The following PARM1 variants were observed in gnomAD, a reference collection of about 807,000 sequenced individuals.
PARM1 encodes WSC4, cell wall integrity and stress response component 4 homolog.
In PARM1, 14 loss-of-function variants were observed where a neutral mutation model predicts 24.6. That is an observed-to-expected ratio of 0.57 (90% CI 0.38 to 0.89). The LOEUF is 0.89. PARM1 is among the 40% of genes least tolerant of loss of function. The probability of loss-of-function intolerance (pLI) is 0.00; values close to 1 mark genes in which losing one functional copy is unlikely to be tolerated. For missense variants in PARM1, 362 were observed against 380.4 expected (o/e 0.95, Z 0.40); for synonymous variants, 179 against 156.6 (o/e 1.14, Z -1.07).
At chr4:74,949,043 A>C (rs1243662475) in intron 1 of PARM1, among the ~76,000 whole-genome samples, 1 of 151,916 alleles carries the variant, frequency 6.6e-6, no homozygotes, top group Non-Finnish European at 1.5e-5. Context: ...AAAAACAAAA[A>C]CAAACAAAAG....
chr4:75,011,144 C>A (rs1025019629), intron 1 of PARM1, among the ~76,000 whole-genome samples: 7 of 152,136 alleles, frequency 4.6e-5, no homozygotes, highest in African/African-American at 1.2e-4. Context: ...TCCCTATGAC[C>A]AAAACAACCC....
intron 1 of PARM1, among the ~76,000 whole-genome samples, chr4:74,987,053 C>G (rs1237632364): frequency 6.6e-6 from 1 of 152,196 alleles, no homozygotes; most frequent in East Asian, 1.9e-4. Flanking sequence ...GGACCTAATA[C>G]ATACTAAATG....
chr4:75,002,418 A>G (rs1722697645), intron 1 of PARM1, among the ~76,000 whole-genome samples: 1 of 152,152 alleles, frequency 6.6e-6, no homozygotes, highest in South Asian at 2.1e-4. Flanking sequence ...ACAAACACCC[A>G]AACTCAAAGA....
intron 2 of PARM1, among the ~76,000 whole-genome samples, chr4:75,026,487 A>C (rs1342238445): frequency 6.6e-6 from 1 of 152,224 alleles, no homozygotes; most frequent in African/African-American, 2.4e-5. Flanking sequence ...TGTCTAGAAA[A>C]AGAGGACTCA....
At chr4:74,950,960 G>A (rs1385247908) in intron 1 of PARM1, among the ~76,000 whole-genome samples, 1 of 152,094 alleles carries the variant, frequency 6.6e-6, no homozygotes, top group Non-Finnish European at 1.5e-5. Flanking sequence ...GAAAAGGAAC[G>A]GAGGAAAGGA....
intron 3 of PARM1, among the ~76,000 whole-genome samples, chr4:75,045,423 A>G (rs1270068195): frequency 6.6e-6 from 1 of 152,246 alleles, no homozygotes; most frequent in Non-Finnish European, 1.5e-5. Flanking sequence ...TCTTATAGAT[A>G]TATTATTAAT....
chr4:75,044,604 A>C (rs1245610575), intron 3 of PARM1, among the ~76,000 whole-genome samples: 1 of 152,208 alleles, frequency 6.6e-6, no homozygotes, highest in Non-Finnish European at 1.5e-5. Flanking sequence ...CAAGTAAATT[A>C]TATAGTATGT....
intron 1 of PARM1, among the ~76,000 whole-genome samples, chr4:74,968,379 T>C (rs771043371): frequency 8.5e-5 from 13 of 152,220 alleles, no homozygotes; most frequent in Non-Finnish European, 1.6e-4. Context: ...TCAGGAAATA[T>C]AAAAGTTGAT....
intron 1 of PARM1, among the ~76,000 whole-genome samples, chr4:75,007,026 A>C (rs1180358836): frequency 6.6e-6 from 1 of 152,244 alleles, no homozygotes; most frequent in Admixed American, 6.5e-5. Context: ...ATAAATTTAC[A>C]AGAAAAAATC....
intron 1 of PARM1, among the ~76,000 whole-genome samples, chr4:75,008,107 T>C (rs1220852532): frequency 3.3e-5 from 5 of 152,300 alleles, no homozygotes; most frequent in Non-Finnish European, 7.4e-5. Context: ...GTATTGGAAA[T>C]AGACCTACCC....
At chr4:75,008,716 G>C (rs917968720) in intron 1 of PARM1, among the ~76,000 whole-genome samples, 1 of 152,102 alleles carries the variant, frequency 6.6e-6, no homozygotes, top group Admixed American at 6.5e-5. Context: ...TCATATTACA[G>C]GAAGCTGAGT....
At chr4:74,975,964 T>C (rs1043629216) in intron 1 of PARM1, among the ~76,000 whole-genome samples, 1 of 152,082 alleles carries the variant, frequency 6.6e-6, no homozygotes, top group Admixed American at 6.5e-5. Context: ...AAAAGCAAGG[T>C]GGAGCCACAG....
intron 1 of PARM1, among the ~76,000 whole-genome samples, chr4:74,944,122 A>T (rs1052675601): frequency 1.3e-5 from 2 of 152,198 alleles, no homozygotes; most frequent in African/African-American, 4.8e-5. Flanking sequence ...CAAGGTTGGC[A>T]TATCCCCCAG....
intron 1 of PARM1, among the ~76,000 whole-genome samples, chr4:74,985,398 G>C (rs1313294381): frequency 1.3e-5 from 2 of 152,194 alleles, no homozygotes; most frequent in African/African-American, 4.8e-5. Context: ...GCAAGGATGG[G>C]TGCAGATGCT....
chr4:75,013,531 G>T (rs1722921484), intron 2 of PARM1, among the ~76,000 whole-genome samples: 1 of 152,214 alleles, frequency 6.6e-6, no homozygotes, highest in African/African-American at 2.4e-5. Flanking sequence ...TCTGTAAAAT[G>T]GGATAAAACA....
At chr4:74,964,049 A>G (rs1024188730) in intron 1 of PARM1, among the ~76,000 whole-genome samples, 1 of 152,150 alleles carries the variant, frequency 6.6e-6, no homozygotes, top group Non-Finnish European at 1.5e-5. Context: ...TCGCTAGGGA[A>G]TGGTGCGTGG....
chr4:75,024,980 C>T (rs546464910), intron 2 of PARM1, among the ~76,000 whole-genome samples: 12 of 152,340 alleles, frequency 7.9e-5, no homozygotes, highest in African/African-American at 2.9e-4. Context: ...CAGGCGTAAG[C>T]CACTGTTCCC....
At chr4:75,008,923 AT>A (rs58243200) in intron 1 of PARM1, among the ~76,000 whole-genome samples, 46,013 of 146,152 alleles carry the variant, frequency 0.31, 8,683 homozygotes, top group African/African-American at 0.56. Context: ...AAATGGTGTC[AT>A]TTTTTTTTTT....
chr4:75,038,302 C>T (rs1294235231), intron 3 of PARM1, among the ~76,000 whole-genome samples: 1 of 152,162 alleles, frequency 6.6e-6, no homozygotes, highest in African/African-American at 2.4e-5. Flanking sequence ...AAGATTGTTA[C>T]AAAGATTAAA....
Sources: allele counts gnomAD v4.1 joint callset (sites outside exome capture counted in the v4.1 genomes callset), GRCh38; gene constraint gnomAD v4.1.1; transcripts MANE v1.5; gene names NCBI Gene and HGNC (gene_info 2026-07-23, HGNC 2026-07-21).